NRXN1: variants seen among roughly 807,000 people sequenced by gnomAD.
NRXN1 encodes the protein neurexin-1.
Under a neutral mutation model 150.9 loss-of-function variants are expected in NRXN1, and 39 were observed. The ratio of observed to expected loss-of-function variants is 0.26; its 90% CI spans 0.20 to 0.34. The LOEUF is 0.34. NRXN1 is among the 10% of genes least tolerant of loss of function. The probability of loss-of-function intolerance (pLI) is 1.00; values close to 1 mark genes in which losing one functional copy is unlikely to be tolerated. For missense variants in NRXN1, 1,815 were observed against 1,949.9 expected, an observed-to-expected ratio of 0.93 and a Z score of 1.30; for synonymous variants, 924 against 757.0, an observed-to-expected ratio of 1.22 and a Z score of -3.62.
At chr2:50,180,802 T>C (rs1243936540) in intron 18 of NRXN1, among the ~76,000 whole-genome samples, 2 of 152,148 alleles carry the variant, frequency 1.3e-5, no homozygotes. Flanking sequence ...GCAGCAAAAA[T>C]GGACTAGAGA....
At chr2:50,981,494 A>G (rs1696803558) in intron 2 of NRXN1, among the ~76,000 whole-genome samples, 2 of 150,918 alleles carry the variant, frequency 1.3e-5, no homozygotes, top group Admixed American at 1.3e-4. Flanking sequence ...GAATGAAAAG[A>G]AACATAGAAA....
chr2:50,684,764 G>A (rs1479679698), intron 5 of NRXN1, among the ~76,000 whole-genome samples: 1 of 152,024 alleles, frequency 6.6e-6, no homozygotes, highest in Non-Finnish European at 1.5e-5. Context: ...AGATTGTTAA[G>A]GTAAAACCCT....
At chr2:50,367,977 C>T (rs115029097) in intron 17 of NRXN1, among the ~76,000 whole-genome samples, 344 of 152,056 alleles carry the variant, frequency 2.3e-3, no homozygotes, top group African/African-American at 8.0e-3. Flanking sequence ...GGCACCACAC[C>T]GTGATTAAAT....
intron 5 of NRXN1, among the ~76,000 whole-genome samples, chr2:50,730,672 C>CTTTTTTTTTTTTTTT (rs56042523): frequency 1.8e-4 from 22 of 122,022 alleles, no homozygotes; most frequent in Non-Finnish European, 2.9e-4. Flanking sequence ...TTCTTGTTTT[C>CTTTTTTTTTTTTTTT]TTTTTTTTTT....
At chr2:50,092,994 T>A (rs1394366258) in intron 18 of NRXN1, among the ~76,000 whole-genome samples, 1 of 151,268 alleles carries the variant, frequency 6.6e-6, no homozygotes, top group Non-Finnish European at 1.5e-5. Flanking sequence ...TCTTTAAAAT[T>A]TTTCTGTAGA....
chr2:50,873,484 T>C (rs1304883081), intron 5 of NRXN1, among the ~76,000 whole-genome samples: 1 of 151,814 alleles, frequency 6.6e-6, no homozygotes, highest in Non-Finnish European at 1.5e-5. Context: ...CCAAGCTGAT[T>C]ATAATTGAGC....
intron 12 of NRXN1, among the ~76,000 whole-genome samples, chr2:50,525,019 A>G (rs1380900002): frequency 6.6e-6 from 1 of 152,224 alleles, no homozygotes; most frequent in Non-Finnish European, 1.5e-5. Context: ...ATGCAGAATG[A>G]GACTAATGTC....
At chr2:50,227,579 G>T (rs1272260745) in intron 18 of NRXN1, among the ~76,000 whole-genome samples, 5 of 152,032 alleles carry the variant, frequency 3.3e-5, no homozygotes, top group Admixed American at 3.3e-4. Context: ...TGAACTAAAA[G>T]AGGTTGAGAC....
At chr2:50,158,969 C>G (rs146311551) in intron 18 of NRXN1, among the ~76,000 whole-genome samples, 128 of 152,178 alleles carry the variant, frequency 8.4e-4, no homozygotes, top group Non-Finnish European at 1.5e-3. Context: ...CCATTCATCA[C>G]ACGCAAGGTA....
At chr2:49,993,398 G>A (rs1169635008) in intron 21 of NRXN1, among the ~76,000 whole-genome samples, 1 of 152,126 alleles carries the variant, frequency 6.6e-6, no homozygotes, top group Non-Finnish European at 1.5e-5. Flanking sequence ...TGGTTGCTAG[G>A]GGTTTTATGG....
chr2:50,342,641 C>T (rs903573491), intron 17 of NRXN1, among the ~76,000 whole-genome samples: 15 of 152,220 alleles, frequency 9.9e-5, no homozygotes, highest in Non-Finnish European at 2.1e-4. Context: ...CAGTGAGGTA[C>T]CAACAGCTTT....
Position 50,877,029 on chromosome 2 carries a change from T to C in NRXN1, c.832+44840A>G, listed in dbSNP as rs569570040. 2.6e-5 allele frequency among the ~76,000 whole-genome samples: 4 copies of C among 152,026 alleles called. No individual in the cohort carries two copies. The East Asian group carries it at 7.8e-4, about 30-fold the overall frequency. ...TGGTAATTGTTACACTTAATTTTTA[T>C]TGAACTATTTAAACTTCATTTTAAT... is the stretch of plus-strand genomic sequence containing the variant. On this transcript the variant is annotated intron_variant, in intron 5 of 22. Transcript: ENST00000401669.
intron 18 of NRXN1, among the ~76,000 whole-genome samples, chr2:50,192,853 G>A (rs1049158362): frequency 3.3e-5 from 5 of 152,118 alleles, no homozygotes; most frequent in Admixed American, 2.6e-4. Flanking sequence ...CAAGTCATCC[G>A]CTCCCATCGG....
chr2:50,321,667 G>A (rs2076049446), intron 17 of NRXN1, among the ~76,000 whole-genome samples: 1 of 151,960 alleles, frequency 6.6e-6, no homozygotes, highest in Non-Finnish European at 1.5e-5. Context: ...GGTGCTTTTT[G>A]TTTGGTTTTG....
chr2:50,511,337 G>A (rs954352177), intron 12 of NRXN1, among the ~76,000 whole-genome samples: 8 of 152,152 alleles, frequency 5.3e-5, no homozygotes, highest in Non-Finnish European at 1.0e-4. Context: ...TTACAGGTGC[G>A]GACCACAGTG....
chr2:50,101,503 A>G (rs922947389), intron 18 of NRXN1, among the ~76,000 whole-genome samples: 3 of 152,052 alleles, frequency 2.0e-5, no homozygotes, highest in African/African-American at 7.2e-5. Flanking sequence ...CCAAATTTCC[A>G]TAGCACAAAG....
At chr2:49,924,324 T>C (rs1046016823) in intron 22 of NRXN1, among the ~76,000 whole-genome samples, 3 of 152,196 alleles carry the variant, frequency 2.0e-5, no homozygotes, top group South Asian at 2.1e-4. Context: ...GGAGATAACA[T>C]TTGAATCATT....
intron 5 of NRXN1, among the ~76,000 whole-genome samples, chr2:50,887,550 A>C (rs1680438019): frequency 1.3e-5 from 2 of 151,394 alleles, no homozygotes; most frequent in Non-Finnish European, 3.0e-5. Flanking sequence ...GGCTCACTAA[A>C]GTCTTTAGTG....
chr2:50,796,834 G>A (rs559242423), intron 5 of NRXN1, among the ~76,000 whole-genome samples: 1 of 152,106 alleles, frequency 6.6e-6, no homozygotes, highest in East Asian at 1.9e-4. Context: ...CCTTCAGTTG[G>A]ATAATTTATA....
Sources: gnomAD v4.1 joint callset for allele counts (sites outside exome capture counted in the v4.1 genomes callset) on GRCh38, gnomAD v4.1.1 for gene constraint, MANE v1.5 for transcripts, NCBI Gene and HGNC (gene_info 2026-07-23, HGNC 2026-07-21) for gene names.